The following EIF2D variants were observed in gnomAD, a reference collection of about 807,000 sequenced individuals.
EIF2D encodes the protein eukaryotic translation initiation factor 2D.
In EIF2D, 56 loss-of-function variants were observed where a neutral mutation model predicts 77.4. That is an observed-to-expected ratio of 0.72 (90% CI 0.58 to 0.90). The LOEUF (loss-of-function observed/expected upper bound fraction) is 0.90, where lower values mean the gene tolerates loss of function less well. Ranked by LOEUF, EIF2D falls within the 40% of genes least tolerant of loss-of-function variation. EIF2D has a pLI of 0.00. For synonymous variants in EIF2D, 230 were observed against 271.0 expected (o/e 0.85, Z 1.49); for missense variants, 574 against 706.5 (o/e 0.81, Z 2.13).
intron 12 of EIF2D, 22 bp from the exon 13 acceptor site, chr1:206,595,860 G>A (rs1553409948): frequency 6.2e-7 from 1 of 1,612,642 alleles, no homozygotes; most frequent in East Asian, 2.2e-5. Flanking sequence ...GTTATGAGTT[G>A]CAAACTGATA....
At chr1:206,611,651 G>A (rs1311911407) in intron 1 of EIF2D, among the ~76,000 whole-genome samples, 3 of 152,210 alleles carry the variant, frequency 2.0e-5, no homozygotes, top group Non-Finnish European at 4.4e-5. Context: ...ACAGGAAACA[G>A]CCCTGCCTTC....
chr1:206,580,978 A>T (rs1209896968), exon 3 of EIF2D: 1 of 152,186 alleles, frequency 6.6e-6, no homozygotes, highest in Non-Finnish European at 1.5e-5. Flanking sequence ...CGCAGCACAG[A>T]GTTTCAGTGA....
At chr1:206,596,763 G>GCAGC (rs1261494340) in intron 12 of EIF2D, among the ~76,000 whole-genome samples, 1 of 152,054 alleles carries the variant, frequency 6.6e-6, no homozygotes, top group African/African-American at 2.4e-5. Context: ...ATGGCTCAAT[G>GCAGC]CAGCCTCCAC....
In EIF2D at chr1:206,578,232, AAGTGT is replaced by A. The variant is rs1415188259; in HGVS notation, c.*254+2455_*254+2459del. ...CAGAGGGAGACATCTCAAAAAAAAAAAGTGTGTGTGTGTGTGTGTGTGTGTGTGTG... is the reference window on the plus strand; with the variant it reads ...CAGAGGGAGACATCTCAAAAAAAAAAGTGTGTGTGTGTGTGTGTGTGTGTG... On this transcript the variant is annotated intron_variant and NMD_transcript_variant, in intron 4 of 5. Transcript: ENST00000472709. Among the ~76,000 whole-genome samples the A allele has an allele frequency of 3.8e-3, 500 of 130,512 alleles. 1 individual carries two copies. Among genetic ancestry groups the A allele is most frequent in the African/African-American group, 0.012 (399 of 33,558 alleles). 85.6% of individuals were successfully genotyped at this position (130,512 alleles called of 152,430 possible). A position where few individuals can be genotyped will look rare whatever the true frequency, so the allele number is the denominator to read the frequency against.
At position 206,608,335 on chromosome 1, in the gene EIF2D, A is replaced by C; in HGVS notation, c.332-9T>G. On this transcript the variant is annotated splice_polypyrimidine_tract_variant and intron_variant, in intron 3 of 14. Coordinates refer to ENST00000271764, the MANE Select transcript of EIF2D (RefSeq NM_006893.3). ...TCCAGGCAGCATCAAATCTGCAATG[A>C]ACAAAAAAAATCACAACCTGCATTC... 1 of 1,606,700 alleles carries C rather than the reference A, an allele frequency of 6.2e-7. No individual in the cohort carries two copies. The highest frequency in any genetic ancestry group is 8.5e-7 in the Non-Finnish European group (1 of 1,175,910).
At chr1:206,602,560 G>C in intron 6 of EIF2D, 107 bp from the exon 7 acceptor site, 1 of 978,734 alleles carries the variant, frequency 1.0e-6, no homozygotes, top group Non-Finnish European at 1.6e-6. Flanking sequence ...GGCTCTGAAA[G>C]GAACCCATTC....
intron 14 of EIF2D, 87 bp downstream of exon 14, chr1:206,593,504 AGAGAGTGTGTGTGTGTGTGTGTGTGTGT>A: frequency 2.5e-6 from 1 of 404,978 alleles, no homozygotes; most frequent in South Asian, 5.5e-5. Flanking sequence ...AGAGAGAGAG[AGAGAGTGTGTGTGTGTGTGTGTGTGTGT>A]GTGTGTGTGT....
chr1:206,577,949 G>A (rs1553405473), intron 4 of EIF2D, among the ~76,000 whole-genome samples: 2 of 152,120 alleles, frequency 1.3e-5, no homozygotes, highest in African/African-American at 2.4e-5. Flanking sequence ...GCAGCCAGGC[G>A]CGGTGGGTCA....
At chr1:206,591,926 A>C in intron 14 of EIF2D, 81 bp from the exon 15 acceptor site, 2 of 1,356,952 alleles carry the variant, frequency 1.5e-6, no homozygotes, top group Non-Finnish European at 2.1e-6. Context: ...CCGTTGCCTC[A>C]CAATGTCATT....
chr1:206,597,974 T>C (rs1435805656), intron 11 of EIF2D, among the ~76,000 whole-genome samples: 1 of 151,974 alleles, frequency 6.6e-6, no homozygotes, highest in Non-Finnish European at 1.5e-5. Context: ...TAAAATAAAA[T>C]GAAGGTATTA....
In EIF2D at chr1:206,611,231, C is replaced by T. The variant is rs1670479765; in HGVS notation, c.200G>A (p.Gly67Asp). The change falls in exon 2 of 15, where the codon GGT (glycine) becomes GAT (aspartate). Residue 67 changes from glycine (G) to aspartate (D), a missense_variant. Coordinates refer to ENST00000271764, the MANE Select transcript of EIF2D (RefSeq NM_006893.3). ...KGDAVTVYVS[G>D]GNPILFELEK... ...CAGTTCAAAGAGGATGGGGTTACCA[C>T]CACTCACGTACACAGTCACTGCATC... 3.1e-6 allele frequency: 5 copies of T among 1,614,030 alleles called. No individual in the cohort carries two copies. In the South Asian group the frequency reaches 4.4e-5, roughly 14 times the overall value.
chr1:206,608,906 G>T (rs1275927461), intron 3 of EIF2D, among the ~76,000 whole-genome samples: 1 of 152,142 alleles, frequency 6.6e-6, no homozygotes, highest in Non-Finnish European at 1.5e-5. Flanking sequence ...ACAAAAATTA[G>T]CCAGGCGTGG....
intron 4 of EIF2D, among the ~76,000 whole-genome samples, chr1:206,574,446 T>C: frequency 6.6e-6 from 1 of 152,212 alleles, no homozygotes; most frequent in East Asian, 1.9e-4. Flanking sequence ...GGCGGACTGT[T>C]GACATTGACC....
chr1:206,599,239 T>G lies in EIF2D; in HGVS notation c.1203-147A>C, dbSNP rs1243529566. 1 of 884,036 alleles carries G rather than the reference T, an allele frequency of 1.1e-6. No individual in the cohort carries two copies. Among genetic ancestry groups the G allele is most frequent in the African/African-American group, 1.7e-5 (1 of 59,294 alleles). 54.8% of individuals were successfully genotyped at this position (884,036 alleles called of 1,614,324 possible). A position where few individuals can be genotyped will look rare whatever the true frequency, so the allele number is the denominator to read the frequency against. ...TCCCTTTTCCTGACTGAAGTGAGCA[T>G]GACCATGTGAAGAATAATTACACGC... is the stretch of plus-strand genomic sequence containing the variant. On this transcript the variant is annotated intron_variant, in intron 10 of 14. Transcript: ENST00000271764. This position sits in a 1 kb window ranked among gnomAD's most constrained non-coding sequence, Gnocchi z 4.1.
chr1:206,598,831 C>G (rs1398080678), intron 11 of EIF2D, among the ~76,000 whole-genome samples, 172 bp downstream of exon 11: 1 of 120,194 alleles, frequency 8.3e-6, no homozygotes, highest in Non-Finnish European at 1.8e-5. Context: ...ATCTGAACAC[C>G]CCAGACAATA....
In EIF2D at chr1:206,605,504, G is replaced by A; in HGVS notation, c.426C>T (p.Ala142=). Residue 142 remains alanine, a synonymous_variant, in exon 5 of 15, where the codon GCC becomes GCT. Transcript: ENST00000271764. ...TGGCTGCAACTCCAATGGCTACAGG[G>A]GCTCTAAGAAGAAGGAAGCCAGAGA... ...LCAISLVGNR[A]PVAIGVAAMS... The A allele has an allele frequency of 6.2e-7, 1 of 1,613,720 alleles. No homozygotes were observed.
At chr1:206,602,254 T>G (rs782371032) in intron 7 of EIF2D, 82 bp downstream of exon 7, 7 of 1,049,332 alleles carry the variant, frequency 6.7e-6, no homozygotes, top group Non-Finnish European at 1.0e-5. Context: ...AGTCCCTGCA[T>G]TGGCCCCATC....
intron 11 of EIF2D, among the ~76,000 whole-genome samples, chr1:206,597,761 A>AGGC (rs1553410481): frequency 1.3e-5 from 2 of 152,166 alleles, no homozygotes; most frequent in Non-Finnish European, 2.9e-5. Flanking sequence ...CCTGGCCAAC[A>AGGC]TGGTGAAACC....
intron 13 of EIF2D, 155 bp downstream of exon 13, chr1:206,595,563 A>T (rs1669605568): frequency 1.1e-6 from 1 of 892,180 alleles, no homozygotes; most frequent in Non-Finnish European, 1.6e-6. Flanking sequence ...TGTTTCATAC[A>T]GAGCCCAGCC....
Sources: allele counts gnomAD v4.1 joint callset (sites outside exome capture counted in the v4.1 genomes callset), GRCh38; gene constraint gnomAD v4.1.1; non-coding constraint Gnocchi (gnomAD v3.1); transcripts MANE v1.5; gene names NCBI Gene and HGNC (gene_info 2026-07-23, HGNC 2026-07-21).